The following SORCS2 variants were observed in gnomAD, a reference collection of about 807,000 sequenced individuals.
SORCS2 encodes sortilin related VPS10 domain containing receptor 2, also known as VPS10 domain-containing receptor SorCS2.
SORCS2 carries 100 observed loss-of-function variants against 141.6 expected under a neutral mutation model. That is an observed-to-expected ratio of 0.71 (90% confidence interval 0.60 to 0.83). The LOEUF (loss-of-function observed/expected upper bound fraction) is 0.83. Ranked by LOEUF, SORCS2 falls within the 40% of genes least tolerant of loss-of-function variation. The pLI, the probability that SORCS2 is intolerant of heterozygous loss-of-function variation, is 0.00. For synonymous variants in SORCS2, 789 were observed against 676.9 expected, an observed-to-expected ratio of 1.17 and a Z score of -2.57; for missense variants, 1,646 against 1,560.2, an observed-to-expected ratio of 1.05 and a Z score of -0.93.
intron 3 of SORCS2, among the ~76,000 whole-genome samples, chr4:7,626,991 T>G (rs1405650315): frequency 6.6e-6 from 1 of 152,214 alleles, no homozygotes; most frequent in African/African-American, 2.4e-5. Flanking sequence ...TATTTTATTT[T>G]GTTTTATTTT....
intron 1 of SORCS2, among the ~76,000 whole-genome samples, chr4:7,261,224 G>A (rs866273007): frequency 2.0e-5 from 3 of 152,164 alleles, no homozygotes; most frequent in South Asian, 2.1e-4. Context: ...GCAGGCAGGC[G>A]TTTGATCCAG....
At chr4:7,674,048 C>T (rs1057314374) in intron 8 of SORCS2, among the ~76,000 whole-genome samples, 1 of 152,168 alleles carries the variant, frequency 6.6e-6, no homozygotes, top group Non-Finnish European at 1.5e-5. Flanking sequence ...GGCAGAACAG[C>T]CACAAGCCTG....
chr4:7,434,786 C>G, intron 2 of SORCS2: 1 of 1,611,558 alleles, frequency 6.2e-7, no homozygotes, highest in South Asian at 1.1e-5. Context: ...TGACACCACA[C>G]CGTGGAGCCC....
At chr4:7,600,006 G>C (rs1482942201) in intron 3 of SORCS2, among the ~76,000 whole-genome samples, 1 of 151,836 alleles carries the variant, frequency 6.6e-6, no homozygotes, top group African/African-American at 2.4e-5. Context: ...ATATTTAGTA[G>C]AGACAGGGTT....
At position 7,267,901 on chromosome 4, in the gene SORCS2, C is replaced by T. The variant is rs552791796; in HGVS notation, c.480+74775C>T. Reference sequence around the variant, plus strand: ...GTCAACCCGTCAGTGAGTGATGAGACGAGCAGCTCCTGTTGTAGAATGAGG... The same window carrying T: ...GTCAACCCGTCAGTGAGTGATGAGATGAGCAGCTCCTGTTGTAGAATGAGG... On this transcript the variant is annotated intron_variant, in intron 1 of 26. Transcript: ENST00000507866. Among the ~76,000 whole-genome samples the T allele has an allele frequency of 4.6e-5, 7 of 152,372 alleles. No individual in the cohort carries two copies. In the South Asian group the frequency reaches 6.2e-4, roughly 14 times the overall value.
chr4:7,682,678 G>T lies in SORCS2; in HGVS notation c.1342-65G>T, dbSNP rs532987720. ...CACTTTAGCAAGGGGCTGGAGCATG[G>T]TGGATACTTGGTCATCAGAGTGCTC... On this transcript the variant is annotated intron_variant, in intron 9 of 26. Transcript: ENST00000507866. The T allele has an allele frequency of 2.3e-5, 35 of 1,501,646 alleles. No homozygotes were observed. The South Asian group carries it at 4.4e-4, about 19-fold the overall frequency. The allele number at this position is 1,501,646 out of a possible 1,614,324, so 93.0% of individuals were successfully genotyped here. A position where few individuals can be genotyped will look rare whatever the true frequency, so the allele number is the denominator to read the frequency against.
chr4:7,307,737 A>G (rs1259889484), intron 1 of SORCS2, among the ~76,000 whole-genome samples: 2 of 152,100 alleles, frequency 1.3e-5, no homozygotes, highest in Admixed American at 6.6e-5. Flanking sequence ...AGAAGCTGTG[A>G]GTGGTGTGTT....
chr4:7,198,424 G>C (rs1015255647), intron 1 of SORCS2, among the ~76,000 whole-genome samples: 2 of 152,228 alleles, frequency 1.3e-5, no homozygotes, highest in Non-Finnish European at 2.9e-5. Context: ...TTGGGGTTTT[G>C]TATTTAAGTA....
intron 19 of SORCS2, among the ~76,000 whole-genome samples, chr4:7,724,892 G>GCGGTGA: frequency 1.8e-5 from 1 of 55,414 alleles, no homozygotes; most frequent in South Asian, 6.5e-4. Context: ...GGTGGTGTTG[G>GCGGTGA]TGATGGTGGT....
rs1047955251 is a variant in SORCS2, at chr4:7,475,876, T to C, written c.549-55654T>C. On this transcript the variant is annotated intron_variant, in intron 2 of 26. Transcript: ENST00000507866. ...CCTCCATCATCTGAAGATACCACTC[T>C]GAAGGACACTGGGTTCTTGGATCTG... Among the ~76,000 whole-genome samples, 4 of 152,248 alleles carry C rather than the reference T, an allele frequency of 2.6e-5. No individual in the cohort carries two copies. The East Asian group carries it at 7.7e-4, about 29-fold the overall frequency.
At position 7,734,292 on chromosome 4, in the gene SORCS2, G is replaced by A. The variant is rs757019687; in HGVS notation, c.3229G>A (p.Gly1077Ser). Reference sequence around the variant, plus strand: ...TGCAGGTGCTGAGCAGCTGGGCGGCGGTGGCGGCTACTGGGCGGTAGTGGT... The same window carrying A: ...TGCAGGTGCTGAGCAGCTGGGCGGCAGTGGCGGCTACTGGGCGGTAGTGGT... ...TGTGAEQLGG[G>S]GGYWAVVVLF... Residue 1077 changes from glycine to serine, a missense_variant, in exon 25 of 27, where the codon GGT becomes AGT. Gly to Ser is a moderately conservative substitution (Grantham distance 56). Transcript: ENST00000507866. 19 of 1,602,686 alleles carry A rather than the reference G, an allele frequency of 1.2e-5. No homozygotes were observed. The highest frequency in any genetic ancestry group is 2.3e-5 in the East Asian group (1 of 44,422).
intron 1 of SORCS2, among the ~76,000 whole-genome samples, chr4:7,311,027 G>T (rs540418909): frequency 5.9e-5 from 9 of 152,266 alleles, no homozygotes; most frequent in Admixed American, 5.2e-4. Context: ...AGCCACAATA[G>T]GTAGGGGCCA....
intron 3 of SORCS2, among the ~76,000 whole-genome samples, chr4:7,547,891 A>G (rs1713389156): frequency 6.6e-6 from 1 of 152,216 alleles, no homozygotes; most frequent in Non-Finnish European, 1.5e-5. Flanking sequence ...ATGCACAAAC[A>G]AACTGATTAA....
chr4:7,550,132 ATGTGTG>A (rs36213889), intron 3 of SORCS2, among the ~76,000 whole-genome samples: 91,646 of 142,096 alleles, frequency 0.64, 31,075 homozygotes, highest in East Asian at 0.86. Flanking sequence ...GTATGTGTGT[ATGTGTG>A]TGTGTGTGTG....
intron 3 of SORCS2, among the ~76,000 whole-genome samples, chr4:7,572,563 G>C (rs1452199002): frequency 6.6e-6 from 1 of 152,122 alleles, no homozygotes; most frequent in Non-Finnish European, 1.5e-5. Flanking sequence ...ATGTTAGTTT[G>C]CTTCAATACT....
intron 23 of SORCS2, among the ~76,000 whole-genome samples, chr4:7,730,445 C>T (rs1711573871): frequency 1.3e-5 from 2 of 152,208 alleles, no homozygotes; most frequent in East Asian, 3.9e-4. Context: ...AACATACATC[C>T]ACAGTACATG....
At chr4:7,731,476 T>A (rs1342155523) in intron 23 of SORCS2, among the ~76,000 whole-genome samples, 2 of 152,162 alleles carry the variant, frequency 1.3e-5, no homozygotes, top group African/African-American at 4.8e-5. Context: ...TCCTAAAATT[T>A]GTATGGAACT....
At chr4:7,365,782 G>C (rs899315176) in intron 1 of SORCS2, among the ~76,000 whole-genome samples, 1 of 152,158 alleles carries the variant, frequency 6.6e-6, no homozygotes, top group African/African-American at 2.4e-5. Context: ...TAAACAACAC[G>C]TGTGTCATTT....
chr4:7,687,986 C>T (rs992265889), intron 10 of SORCS2, among the ~76,000 whole-genome samples: 4 of 152,206 alleles, frequency 2.6e-5, no homozygotes, highest in African/African-American at 7.2e-5. Context: ...GTAATACAAC[C>T]AGTACATCTG....
Sources: allele counts gnomAD v4.1 joint callset (sites outside exome capture counted in the v4.1 genomes callset), GRCh38; gene constraint gnomAD v4.1.1; transcripts MANE v1.5; gene names NCBI Gene and HGNC (gene_info 2026-07-23, HGNC 2026-07-21).